ZNF687: variants seen among roughly 807,000 people sequenced by gnomAD.
The protein encoded by ZNF687 is zinc finger protein 687.
In ZNF687, 13 loss-of-function variants were observed where a neutral mutation model predicts 71.8. The ratio of observed to expected loss-of-function variants is 0.18; its 90% CI spans 0.12 to 0.29. The LOEUF is 0.29. Ranked by LOEUF, ZNF687 falls within the 10% of genes least tolerant of loss-of-function variation. The probability of loss-of-function intolerance (pLI) is 1.00; values close to 1 mark genes in which losing one functional copy is unlikely to be tolerated. For missense variants in ZNF687, 1,412 were observed against 1,625.6 expected, an observed-to-expected ratio of 0.87 and a Z score of 2.26; for synonymous variants, 673 against 641.6, an observed-to-expected ratio of 1.05 and a Z score of -0.74.
At chr1:151,282,096 T>C, upstream of ZNF687, 1 of 1,278,242 alleles carries the variant, frequency 7.8e-7, no homozygotes, top group Non-Finnish European at 1.0e-6. Context: ...TCAGAGGGCC[T>C]CGGCCCCTTG....
chr1:151,285,002 C>A (rs1335493419), intron 1 of ZNF687, among the ~76,000 whole-genome samples: 1 of 151,798 alleles, frequency 6.6e-6, no homozygotes. Flanking sequence ...CCAGGGTGGT[C>A]TTGAACTCCT....
rs973641894 is a variant in ZNF687 at position 151,282,404 on chromosome 1, G to C, written c.-18+9G>C. The C allele has an allele frequency of 2.0e-6, 2 of 987,166 alleles. No individual in the cohort carries two copies. The highest frequency in any genetic ancestry group is 1.2e-6 in the Non-Finnish European group (1 of 830,468). The allele number at this position is 987,166 out of a possible 1,614,324, so 61.2% of individuals were successfully genotyped here. Reference sequence around the variant, plus strand: ...CACCAGGAGCGGAACAAGTAAGCGTGCCTGGGGTAAATACCCGCCCTTGGC... The same window carrying C: ...CACCAGGAGCGGAACAAGTAAGCGTCCCTGGGGTAAATACCCGCCCTTGGC... On this transcript the variant is annotated intron_variant, in intron 1 of 8. Transcript: ENST00000336715.
In ZNF687 at chr1:151,289,364, T is replaced by C. The variant is rs1694096602; in HGVS notation, c.2472-14T>C. 1 of 1,614,136 alleles carries C rather than the reference T, an allele frequency of 6.2e-7. No individual in the cohort carries two copies. Among genetic ancestry groups the C allele is most frequent in the East Asian group, 2.2e-5 (1 of 44,890 alleles). On this transcript the variant is annotated splice_polypyrimidine_tract_variant and intron_variant, in intron 4 of 8. Transcript: ENST00000336715. The stretch of plus-strand genomic sequence containing the variant: ...ACCCAACCCTGCCTGATGTCTGCAC[T>C]GTCCTCACTTCAGGCTGATCTACAA...
rs1694220187 is a variant in ZNF687 at position 151,291,020 on chromosome 1, G to A, written c.3525G>A (p.Gly1175=). ...GKASALGLGD[G]EEEAPPSRSD... is the part of the protein sequence containing the mutation. Reference sequence around the variant, plus strand: ...CCAGTGCCCTGGGGCTGGGGGATGGGGAGGAAGAGGCCCCTCCATCAAGGT... The same window carrying A: ...CCAGTGCCCTGGGGCTGGGGGATGGAGAGGAAGAGGCCCCTCCATCAAGGT... Residue 1175 remains glycine (G), a synonymous_variant, in exon 9 of 9, where the codon GGG becomes GGA. Coordinates refer to ENST00000336715, the MANE Select transcript of ZNF687 (RefSeq NM_020832.3). 4 of 1,613,918 alleles carry A rather than the reference G, an allele frequency of 2.5e-6. No homozygotes were observed. The highest frequency in any genetic ancestry group is 3.4e-6 in the Non-Finnish European group (4 of 1,180,026).
intron 3 of ZNF687, 72 bp from the exon 4 acceptor site, chr1:151,289,023 T>A (rs587746621): frequency 4.0e-6 from 6 of 1,511,748 alleles, no homozygotes; most frequent in African/African-American, 1.4e-5. Flanking sequence ...TCCCAGAGAA[T>A]AAATGTATGG....
Position 151,287,280 on chromosome 1 carries a change from T to A in ZNF687, c.989T>A (p.Val330Glu). 1 of 1,614,098 alleles carries A rather than the reference T, an allele frequency of 6.2e-7. No individual in the cohort carries two copies. Among genetic ancestry groups the A allele is most frequent in the Non-Finnish European group, 8.5e-7 (1 of 1,180,020 alleles). ...TCCAGCTCCTCTAGGCCTCTTAAGG[T>A]GCGGATCAAGACCATTAAAACATCC... Reference protein sequence around the residue: ...PASSSSRPLKVRIKTIKTSCG... With the variant: ...PASSSSRPLKERIKTIKTSCG... The change falls in exon 2 of 9, where the codon GTG becomes GAG. Residue 330 changes from valine to glutamate, a missense_variant. Val to Glu is a moderately radical substitution (Grantham distance 121). This residue lies in a region of ZNF687 where 490 missense variants were observed against 489.9 expected (regional missense o/e 1.00). Coordinates refer to ENST00000336715, the MANE Select transcript of ZNF687 (RefSeq NM_020832.3). The surrounding 1 kb of genome is among the most constrained non-coding windows in gnomAD (Gnocchi z 5.0).
upstream of ZNF687, chr1:151,281,632 C>T (rs1243401689): frequency 1.7e-5 from 8 of 470,904 alleles, no homozygotes; most frequent in Non-Finnish European, 2.6e-5. Context: ...CGCTGTCGCC[C>T]AGGAGCTGAA....
rs1265076022 is a variant in ZNF687, at chr1:151,288,723, C to T, written c.2294+17C>T. The T allele has an allele frequency of 6.3e-7, 1 of 1,599,916 alleles. No individual in the cohort carries two copies. The highest frequency in any genetic ancestry group is 1.1e-5 in the South Asian group (1 of 89,162). The stretch of plus-strand genomic sequence containing the variant: ...AGGATACAGGTGCCTCGGACCCTTC[C>T]TCCATAGAACTGTAGGGTTTCGTGT... On this transcript the variant is annotated intron_variant, in intron 3 of 8. Transcript: ENST00000336715.
chr1:151,290,387 C>T (rs1694174861), intron 7 of ZNF687, 45 bp from the exon 8 acceptor site: 2 of 1,613,378 alleles, frequency 1.2e-6, no homozygotes, highest in Non-Finnish European at 1.7e-6. Context: ...GGGCCCTGGC[C>T]TTCGGGCTGT....
rs372803451 is a variant in ZNF687 at position 151,291,052 on chromosome 1, C to T, written c.3557C>T (p.Pro1186Leu). The part of the protein sequence containing the change: ...EEEAPPSRSD[P>L]DGGDSPLPAS... Reference sequence around the variant, plus strand: ...GAGGCCCCTCCATCAAGGTCTGACCCCGATGGTGGAGACTCACCCCTGCCT... The same window carrying T: ...GAGGCCCCTCCATCAAGGTCTGACCTCGATGGTGGAGACTCACCCCTGCCT... Residue 1186 changes from proline (P) to leucine (L), a missense_variant, in exon 9 of 9, where the codon CCC (proline) becomes CTC (leucine). Pro to Leu is a moderately conservative substitution (Grantham distance 98). Around this residue, in one of 8 missense-constraint regions of ZNF687, gnomAD observed 284 missense variants for 359.2 expected, o/e 0.79. Transcript: ENST00000336715. 5.0e-6 allele frequency: 8 copies of T among 1,613,670 alleles called. No individual in the cohort carries two copies. In the African/African-American group the frequency reaches 1.1e-4, roughly 22 times the overall value.
intron 4 of ZNF687, 48 bp from the exon 5 acceptor site, chr1:151,289,326 GGGGA>G: frequency 6.2e-7 from 1 of 1,613,066 alleles, no homozygotes; most frequent in South Asian, 1.1e-5. Context: ...GGGCGCAGGA[GGGGA>G]GGGGCTGCAC....
chr1:151,285,416 T>C (rs893940098), intron 1 of ZNF687: 1 of 151,830 alleles, frequency 6.6e-6, no homozygotes, highest in Non-Finnish European at 1.5e-5. Context: ...CTGTTCCCTG[T>C]ATTTTTTTTT....
rs587678618 is a variant in ZNF687, at chr1:151,291,107, C to T, written c.3612C>T (p.Val1204=). Residue 1204 remains valine, a synonymous_variant, in exon 9 of 9, where the codon GTC becomes GTT. Coordinates refer to ENST00000336715, the MANE Select transcript of ZNF687 (RefSeq NM_020832.3). ...PASGGPLTCK[V]CGKSCDSPLN... is the part of the protein sequence containing the mutation. ...CTGGAGGCCCACTGACCTGTAAGGTCTGTGGCAAGAGCTGCGACAGCCCTC... is the reference window on the plus strand; with the variant it reads ...CTGGAGGCCCACTGACCTGTAAGGTTTGTGGCAAGAGCTGCGACAGCCCTC... 199 of 1,613,546 alleles carry T rather than the reference C, an allele frequency of 1.2e-4. 5 individuals carry two copies. The South Asian group carries it at 2.1e-3, about 17-fold the overall frequency.
chr1:151,283,408 CG>C, intron 1 of ZNF687: 1 of 710,080 alleles, frequency 1.4e-6, no homozygotes, highest in Non-Finnish European at 1.7e-6. Context: ...GGAAAGGGGG[CG>C]GGGGAGATAG....
rs1202957983 is a variant in ZNF687, at chr1:151,291,880, TA to T, written c.*675del. The T allele has an allele frequency of 2.6e-5, 4 of 152,252 alleles. No individual in the cohort carries two copies. Among genetic ancestry groups the T allele is most frequent in the African/African-American group, 9.7e-5 (4 of 41,308 alleles). The allele number at this position is 152,252 out of a possible 1,614,324, so 9.4% of individuals were successfully genotyped here. On this transcript the variant is annotated 3_prime_UTR_variant, in exon 9 of 9. Transcript: ENST00000336715. ...GGAACTAGGGAGAAAACCAGACCAT[TA>T]AAACTGTTTGTGGTCGAATCTCCAT...
In ZNF687 at chr1:151,289,459, G is replaced by A; in HGVS notation, c.2553G>A (p.Leu851=). 6.2e-7 allele frequency: 1 copy of A among 1,614,166 alleles called. No homozygotes were observed. Among genetic ancestry groups the A allele is most frequent in the Non-Finnish European group, 8.5e-7 (1 of 1,180,052 alleles). Residue 851 remains leucine (L), a synonymous_variant, in exon 5 of 9, where the codon CTG becomes CTA. Transcript: ENST00000336715. ...CCTCACACTTCGACCAGCACTTGCT[G>A]CCCCAGCGTGTCAGTGTCTTTAAGT... ...LLSSHFDQHL[L]PQRVSVFKCP...
intron 1 of ZNF687, chr1:151,283,758 A>G (rs1354023284): frequency 1.1e-6 from 1 of 913,214 alleles, no homozygotes; most frequent in African/African-American, 1.8e-5. Flanking sequence ...GCAGAATTGA[A>G]TAGGGTGGGG....
In ZNF687 at chr1:151,290,549, T is replaced by C. The variant is rs149270527; in HGVS notation, c.3195T>C (p.Ala1065=). 4 of 1,613,538 alleles carry C rather than the reference T, an allele frequency of 2.5e-6. No individual in the cohort carries two copies. In the African/African-American group the frequency reaches 4.0e-5, roughly 16 times the overall value. Residue 1065 remains alanine, a synonymous_variant, in exon 8 of 9, where the codon GCT becomes GCC. Coordinates refer to ENST00000336715, the MANE Select transcript of ZNF687 (RefSeq NM_020832.3). ...AQSPGRGTTL[A]RGSSARAQGP... is the part of the protein sequence containing the mutation. ...CCCCTGGCCGGGGGACCACCTTGGC[T>C]CGGGGTTCCAGTGCCAGAGCCCAGG... is the stretch of plus-strand genomic sequence containing the variant.
rs776176469 is a variant in ZNF687 at position 151,288,378 on chromosome 1, G to A, written c.2087G>A (p.Gly696Asp). Reference protein sequence around the residue: ...AGMAAHFQQLGPPAPGATSNV... With the variant: ...AGMAAHFQQLDPPAPGATSNV... ...ATGGCAGCTCACTTCCAGCAGCTCG[G>A]CCCCCCTGCCCCTGGGGCCACCAGC... Residue 696 changes from glycine to aspartate, a missense_variant, in exon 2 of 9, where the codon GGC becomes GAC. Gly to Asp is a moderately conservative substitution (Grantham distance 94). This residue lies in a region of ZNF687 where 207 missense variants were observed against 239.2 expected (regional missense o/e 0.87). Transcript: ENST00000336715. The A allele has an allele frequency of 1.2e-6, 2 of 1,606,278 alleles. No homozygotes were observed. The highest frequency in any genetic ancestry group is 8.5e-7 in the Non-Finnish European group (1 of 1,177,884).
Sources: allele counts gnomAD v4.1 joint callset (sites outside exome capture counted in the v4.1 genomes callset), GRCh38; gene constraint gnomAD v4.1.1; regional missense constraint gnomAD v4.1.1; non-coding constraint Gnocchi (gnomAD v3.1); transcripts MANE v1.5; gene names NCBI Gene and HGNC (gene_info 2026-07-23, HGNC 2026-07-21).